Variants in CACNG2 observed in about 807,000 individuals in gnomAD.
The protein encoded by CACNG2 is voltage-dependent calcium channel gamma-2 subunit.
Under a neutral mutation model 25.9 loss-of-function variants are expected in CACNG2, and 3 were observed. That is an observed-to-expected ratio of 0.12 (90% CI 0.05 to 0.30). The LOEUF is 0.30. Among genes scored for constraint, CACNG2 ranks in the 10% least tolerant of loss-of-function variants. CACNG2 has a pLI of 1.00. For synonymous variants in CACNG2, 167 were observed against 173.3 expected (o/e 0.96, Z 0.29); for missense variants, 341 against 432.5 (o/e 0.79, Z 1.88).
intron 1 of CACNG2, among the ~76,000 whole-genome samples, chr22:36,687,367 C>A (rs530925109): frequency 3.9e-5 from 6 of 152,362 alleles, no homozygotes; most frequent in African/African-American, 7.2e-5. Context: ...CTCTAAAAAT[C>A]TCTTCCAGGT....
intron 2 of CACNG2, among the ~76,000 whole-genome samples, chr22:36,573,094 C>A (rs955025929): frequency 6.6e-5 from 10 of 152,222 alleles, no homozygotes; most frequent in Non-Finnish European, 1.2e-4. Flanking sequence ...CACATGTAGA[C>A]AACTAATGTC....
chr22:36,700,229 T>G (rs1234895224), intron 1 of CACNG2, among the ~76,000 whole-genome samples: 5 of 152,144 alleles, frequency 3.3e-5, no homozygotes, highest in Non-Finnish European at 5.9e-5. Context: ...GAGAGAAAGT[T>G]AAAGGGGGTG....
intron 1 of CACNG2, among the ~76,000 whole-genome samples, chr22:36,650,302 T>C (rs1227994136): frequency 6.6e-6 from 1 of 151,952 alleles, no homozygotes; most frequent in Non-Finnish European, 1.5e-5. Context: ...TGATACCTCA[T>C]TAGTCTCATT....
intron 1 of CACNG2, among the ~76,000 whole-genome samples, chr22:36,597,359 T>C (rs749545518): frequency 6.6e-6 from 1 of 152,076 alleles, no homozygotes; most frequent in African/African-American, 2.4e-5. Context: ...GGGGAGGAGA[T>C]TGGGCTCCAG....
intron 1 of CACNG2, among the ~76,000 whole-genome samples, chr22:36,638,356 T>C (rs150017558): frequency 1.3e-5 from 2 of 152,326 alleles, no homozygotes; most frequent in East Asian, 1.9e-4. Context: ...AGGACACTTA[T>C]TGAGGGCACG....
At chr22:36,566,283 C>A (rs1935122681) in intron 3 of CACNG2, 70 bp downstream of exon 3, 5 of 1,457,184 alleles carry the variant, frequency 3.4e-6, no homozygotes, top group Non-Finnish European at 4.8e-6. Context: ...CTCTGCCAGG[C>A]CCTCGTGGCC....
intron 2 of CACNG2, among the ~76,000 whole-genome samples, chr22:36,577,461 C>A (rs978248020): frequency 6.6e-6 from 1 of 151,832 alleles, no homozygotes; most frequent in Non-Finnish European, 1.5e-5. Context: ...ACCATCCTGG[C>A]CAACATGGTG....
intron 1 of CACNG2, among the ~76,000 whole-genome samples, chr22:36,622,990 T>C (rs1417027715): frequency 3.4e-5 from 5 of 148,052 alleles, no homozygotes; most frequent in Non-Finnish European, 6.0e-5. Flanking sequence ...GTCCTCTTTC[T>C]CATTCAGTCT....
rs550428289 is a variant in CACNG2 at position 36,658,270 on chromosome 22, G to A, written c.211+44096C>T. On this transcript the variant is annotated intron_variant, in intron 1 of 3. Transcript: ENST00000300105. ...GTCTTTATTTGAAGGAAGATTGCCCGGAACTGTGAACTTTAGATCAAGACA... is the reference window on the plus strand; with the variant it reads ...GTCTTTATTTGAAGGAAGATTGCCCAGAACTGTGAACTTTAGATCAAGACA... Among the ~76,000 whole-genome samples the A allele has an allele frequency of 1.4e-4, 22 of 152,236 alleles. 1 individual carries two copies. The highest frequency in any genetic ancestry group is 6.8e-3 in the Middle Eastern group (2 of 294).
intron 1 of CACNG2, among the ~76,000 whole-genome samples, chr22:36,673,329 A>G (rs1169063054): frequency 6.6e-6 from 1 of 152,170 alleles, no homozygotes; most frequent in African/African-American, 2.4e-5. Context: ...GAAGAAGGCA[A>G]TTGATCAAGC....
At chr22:36,610,189 T>C (rs113442804) in intron 1 of CACNG2, among the ~76,000 whole-genome samples, 180 of 147,420 alleles carry the variant, frequency 1.2e-3, no homozygotes, top group African/African-American at 4.4e-3. Context: ...CCCCAGAGAG[T>C]GACTGGGAGG....
At chr22:36,604,274 G>A (rs1317044378) in intron 1 of CACNG2, among the ~76,000 whole-genome samples, 1 of 152,230 alleles carries the variant, frequency 6.6e-6, no homozygotes, top group Non-Finnish European at 1.5e-5. Context: ...GAGTGGATGA[G>A]AGGTGGCTTT....
chr22:36,657,714 T>C (rs969753836), intron 1 of CACNG2, among the ~76,000 whole-genome samples: 3 of 152,146 alleles, frequency 2.0e-5, no homozygotes, highest in Non-Finnish European at 2.9e-5. Flanking sequence ...ACAATAAGAT[T>C]GGCCCGCAAA....
intron 1 of CACNG2, among the ~76,000 whole-genome samples, chr22:36,626,006 G>A (rs1318819652): frequency 2.0e-5 from 3 of 151,988 alleles, no homozygotes; most frequent in African/African-American, 7.3e-5. Context: ...TGCAACCTCC[G>A]CCCCCTGGGT....
At chr22:36,625,614 G>A (rs940476633) in intron 1 of CACNG2, among the ~76,000 whole-genome samples, 1 of 152,180 alleles carries the variant, frequency 6.6e-6, no homozygotes, top group Admixed American at 6.5e-5. Flanking sequence ...ACCGATGATA[G>A]CAGCTAATTT....
At chr22:36,636,260 G>A (rs1658392929) in intron 1 of CACNG2, among the ~76,000 whole-genome samples, 1 of 152,080 alleles carries the variant, frequency 6.6e-6, no homozygotes, top group Admixed American at 6.5e-5. Context: ...TGCATAAGCT[G>A]TTCCCTCTGC....
chr22:36,570,360 G>A (rs1003414758), intron 2 of CACNG2, among the ~76,000 whole-genome samples: 1 of 152,184 alleles, frequency 6.6e-6, no homozygotes, highest in Admixed American at 6.5e-5. Flanking sequence ...CGTATGACAT[G>A]CTCTAAATAA....
chr22:36,577,454 A>T, intron 2 of CACNG2, among the ~76,000 whole-genome samples: 1 of 151,984 alleles, frequency 6.6e-6, no homozygotes, highest in East Asian at 1.9e-4. Context: ...GATCGAGACC[A>T]TCCTGGCCAA....
chr22:36,588,986 C>CTTT (rs11381245), intron 1 of CACNG2, among the ~76,000 whole-genome samples: 20 of 129,178 alleles, frequency 1.5e-4, no homozygotes, highest in African/African-American at 3.1e-4. Flanking sequence ...TTACATATAC[C>CTTT]TTTTTTTTTT....
Sources: allele counts gnomAD v4.1 joint callset (sites outside exome capture counted in the v4.1 genomes callset), GRCh38; gene constraint gnomAD v4.1.1; transcripts MANE v1.5; gene names NCBI Gene and HGNC (gene_info 2026-07-23, HGNC 2026-07-21).